The following RALGAPB variants were observed in gnomAD, a reference collection of about 807,000 sequenced individuals.
RALGAPB encodes the protein ral GTPase-activating protein subunit beta.
A neutral mutation model predicts 161.1 loss-of-function variants in RALGAPB; 25 were observed. That is an observed-to-expected ratio of 0.16 (90% confidence interval 0.11 to 0.22). The LOEUF is 0.22. RALGAPB is among the 10% of genes least tolerant of loss of function. RALGAPB has a pLI of 1.00. For synonymous variants in RALGAPB, 629 were observed against 626.1 expected (o/e 1.00, Z -0.07); for missense variants, 1,391 against 1,815.2 (o/e 0.77, Z 4.25).
chr20:38,570,090 G>A, intron 27 of RALGAPB, 94 bp downstream of exon 27: 1 of 997,116 alleles, frequency 1.0e-6, no homozygotes. Flanking sequence ...AGCCTGGTGT[G>A]GCCAGGAGCT....
At chr20:38,558,068 A>G (rs958619684) in intron 22 of RALGAPB, among the ~76,000 whole-genome samples, 2 of 152,228 alleles carry the variant, frequency 1.3e-5, no homozygotes, top group African/African-American at 4.8e-5. Flanking sequence ...CAAAAATTAT[A>G]TACACAATAT....
At chr20:38,493,580 TTTC>T (rs2085335389) in intron 3 of RALGAPB, among the ~76,000 whole-genome samples, 1 of 152,190 alleles carries the variant, frequency 6.6e-6, no homozygotes. Flanking sequence ...TGATAGTTTG[TTTC>T]TGATTTTTTT....
chr20:38,487,686 T>C (rs2085157137), intron 1 of RALGAPB, among the ~76,000 whole-genome samples: 1 of 152,246 alleles, frequency 6.6e-6, no homozygotes, highest in Admixed American at 6.5e-5. Context: ...TGAAAAATTA[T>C]GCAATTATCT....
intron 12 of RALGAPB, 150 bp downstream of exon 12, chr20:38,525,668 G>A: frequency 1.2e-6 from 1 of 833,074 alleles, no homozygotes; most frequent in South Asian, 1.8e-5. Flanking sequence ...TAACAAAGTT[G>A]ACTTGTGATT....
intron 1 of RALGAPB, 25 bp downstream of exon 1, chr20:38,473,094 C>T (rs2084697378): frequency 8.6e-6 from 3 of 347,150 alleles, no homozygotes; most frequent in Non-Finnish European, 1.6e-5. Flanking sequence ...GGCCCCGCCG[C>T]GGCCGGACCC....
At chr20:38,534,922 A>G in intron 15 of RALGAPB, 152 bp from the exon 16 acceptor site, 5 of 922,380 alleles carry the variant, frequency 5.4e-6, no homozygotes, top group Non-Finnish European at 8.3e-6. Context: ...TTGGCACTCA[A>G]CCCAGTGGGG....
intron 24 of RALGAPB, among the ~76,000 whole-genome samples, chr20:38,564,143 T>C (rs1228558141): frequency 6.6e-6 from 1 of 152,190 alleles, no homozygotes; most frequent in Non-Finnish European, 1.5e-5. Flanking sequence ...AGAGTGGCTA[T>C]TGGGATAGTA....
chr20:38,483,600 TG>T (rs900451859), intron 1 of RALGAPB, among the ~76,000 whole-genome samples: 1 of 152,218 alleles, frequency 6.6e-6, no homozygotes, highest in African/African-American at 2.4e-5. Context: ...ATGCTATCCT[TG>T]GGTGAATGTT....
intron 24 of RALGAPB, among the ~76,000 whole-genome samples, chr20:38,565,143 C>T (rs1163164874): frequency 6.6e-6 from 1 of 152,112 alleles, no homozygotes; most frequent in East Asian, 1.9e-4. Flanking sequence ...GTCTGATATA[C>T]AGTCGTTTCA....
chr20:38,480,768 C>G (rs2084945093), intron 1 of RALGAPB, among the ~76,000 whole-genome samples: 1 of 109,578 alleles, frequency 9.1e-6, no homozygotes, highest in African/African-American at 3.4e-5. Context: ...GACGGAGTCT[C>G]GCTCTGTCAC....
At chr20:38,549,543 A>T (rs887060386) in intron 20 of RALGAPB, among the ~76,000 whole-genome samples, 3,665 of 120,634 alleles carry the variant, frequency 0.03, 64 homozygotes, top group African/African-American at 0.042. Context: ...TAAAAAAAAA[A>T]AAAAAAATAT....
chr20:38,496,173 TC>T (rs1264325050), intron 3 of RALGAPB, among the ~76,000 whole-genome samples: 14 of 152,162 alleles, frequency 9.2e-5, no homozygotes, highest in Admixed American at 9.2e-4. Flanking sequence ...GCTTGGCTCT[TC>T]CTAGGCAATT....
At chr20:38,567,057 G>A (rs2088027401) in intron 25 of RALGAPB, 39 bp from the exon 26 acceptor site, 2 of 1,587,150 alleles carry the variant, frequency 1.3e-6, no homozygotes, top group Admixed American at 1.8e-5. Flanking sequence ...CCAAATAAGT[G>A]GTATGTATTA....
chr20:38,564,709 TAC>T (rs1233738308), intron 24 of RALGAPB, among the ~76,000 whole-genome samples: 5 of 152,204 alleles, frequency 3.3e-5, no homozygotes, highest in Admixed American at 3.3e-4. Context: ...TACATTTTTA[TAC>T]AGTGTCACTG....
chr20:38,510,166 A>ACACACACACACAC (rs1491569757), intron 6 of RALGAPB, among the ~76,000 whole-genome samples: 2 of 137,372 alleles, frequency 1.5e-5, no homozygotes, highest in Non-Finnish European at 3.4e-5. Context: ...ACACACACAC[A>ACACACACACACAC]GACACACGCA....
At chr20:38,504,720 A>G (rs2122989961) in intron 5 of RALGAPB, among the ~76,000 whole-genome samples, 1 of 152,336 alleles carries the variant, frequency 6.6e-6, no homozygotes, top group Non-Finnish European at 1.5e-5. Context: ...AGGAACTTAA[A>G]GCAATTGAAC....
intron 1 of RALGAPB, among the ~76,000 whole-genome samples, chr20:38,478,506 C>T (rs1391185653): frequency 1.3e-5 from 2 of 152,152 alleles, no homozygotes; most frequent in Admixed American, 6.5e-5. Flanking sequence ...CTGCAACCTT[C>T]GCCTCCCAGG....
rs147168756 is a variant in RALGAPB at position 38,571,913 on chromosome 20, G to A, written c.4142+1066G>A. ...AAATAACCATCCTACCTGGAATGAG[G>A]TGCTATCTCATTATGATTTTGATTT... On this transcript the variant is annotated intron_variant, in intron 28 of 29. Coordinates refer to ENST00000262879, the MANE Select transcript of RALGAPB (RefSeq NM_020336.4). Among the ~76,000 whole-genome samples the A allele has an allele frequency of 6.6e-5, 10 of 152,042 alleles. No individual in the cohort carries two copies. The East Asian group carries it at 1.7e-3, about 26-fold the overall frequency.
chr20:38,532,363 A>G (rs73905635), intron 14 of RALGAPB, among the ~76,000 whole-genome samples: 1,609 of 152,126 alleles, frequency 0.011, 22 homozygotes, highest in African/African-American at 0.037. Context: ...GGCCTTATTC[A>G]TGCTTTTTAA....
Sources: allele counts gnomAD v4.1 joint callset (sites outside exome capture counted in the v4.1 genomes callset), GRCh38; gene constraint gnomAD v4.1.1; transcripts MANE v1.5; gene names NCBI Gene and HGNC (gene_info 2026-07-23, HGNC 2026-07-21).